The following SLC3A2 variants were observed in gnomAD, a reference collection of about 807,000 sequenced individuals.
SLC3A2 encodes solute carrier family 3 member 2.
In SLC3A2, 32 loss-of-function variants were observed where a neutral mutation model predicts 48.5. The observed-to-expected ratio is 0.66, with a 90% CI of 0.50 to 0.89. SLC3A2 has a LOEUF of 0.89. Among genes scored for constraint, SLC3A2 ranks in the 40% least tolerant of loss-of-function variants. The pLI is 0.00. For missense variants in SLC3A2, 587 were observed against 680.7 expected, an observed-to-expected ratio of 0.86 and a Z score of 1.53; for synonymous variants, 277 against 288.8, an observed-to-expected ratio of 0.96 and a Z score of 0.41.
At chr11:62,883,541 G>C (rs1487806596) in intron 3 of SLC3A2, 1 of 181,700 alleles carries the variant, frequency 5.5e-6, no homozygotes, top group Non-Finnish European at 1.2e-5. Flanking sequence ...CCTAGCTCCT[G>C]ATGTCTGGGT....
At chr11:62,874,294 C>G (rs1233322147) in intron 1 of SLC3A2, among the ~76,000 whole-genome samples, 1 of 152,050 alleles carries the variant, frequency 6.6e-6, no homozygotes, top group Non-Finnish European at 1.5e-5. Context: ...AGTTGAATAT[C>G]TGATGTCATT....
intron 1 of SLC3A2, among the ~76,000 whole-genome samples, chr11:62,873,618 A>C (rs1370764603): frequency 6.6e-6 from 1 of 152,044 alleles, no homozygotes; most frequent in Non-Finnish European, 1.5e-5. Context: ...GTGAGCCACC[A>C]CACCCGGCCA....
chr11:62,888,211 C>CT lies in SLC3A2; in HGVS notation c.1221dup (p.Val408CysfsTer6). 1.9e-6 allele frequency: 3 copies of CT among 1,614,064 alleles called. No individual in the cohort carries two copies. Among genetic ancestry groups the CT allele is most frequent in the Non-Finnish European group, 2.5e-6 (3 of 1,179,968 alleles). ...CCAGGGGCTGTAAGTGCCAACATGA[C>CT]TGTGAAGGTAAGAGTTCTAGATGGG... On this transcript the variant is annotated frameshift_variant, in exon 8 of 9. Coordinates refer to ENST00000338663, the MANE Select transcript of SLC3A2 (RefSeq NM_001013251.3). LOFTEE classifies it low-confidence loss of function (END_TRUNC).
chr11:62,867,443 A>C (rs2085465890), intron 1 of SLC3A2, among the ~76,000 whole-genome samples: 3 of 144,144 alleles, frequency 2.1e-5, no homozygotes, highest in Admixed American at 7.4e-5. Context: ...CTCCTGCTTC[A>C]GCCTCCCGAG....
At chr11:62,860,207 A>G (rs2085384004) in intron 1 of SLC3A2, among the ~76,000 whole-genome samples, 1 of 152,086 alleles carries the variant, frequency 6.6e-6, no homozygotes, top group East Asian at 1.9e-4. Context: ...TCAGCGCAGT[A>G]AAGAGCAGTA....
Position 62,888,770 on chromosome 11 carries a change from A to G in SLC3A2, c.*77A>G. The G allele has an allele frequency of 1.5e-6, 2 of 1,356,138 alleles. No individual in the cohort carries two copies. The highest frequency in any genetic ancestry group is 2.0e-6 in the Non-Finnish European group (2 of 1,003,650). 84.0% of individuals were successfully genotyped at this position (1,356,138 alleles called of 1,614,324 possible). ...TGGCTTCTGATTTTTCTCTTTTTTA[A>G]AAACAAACAAACAAACTGTTGCAGA... is the stretch of plus-strand genomic sequence containing the variant. On this transcript the variant is annotated 3_prime_UTR_variant, in exon 9 of 9. Coordinates refer to ENST00000338663, the MANE Select transcript of SLC3A2 (RefSeq NM_001013251.3).
At position 62,887,699 on chromosome 11, in the gene SLC3A2, C is replaced by CA. The variant is rs753559403; in HGVS notation, c.1144-416dup. On this transcript the variant is annotated intron_variant, in intron 7 of 8. Coordinates refer to ENST00000338663, the MANE Select transcript of SLC3A2 (RefSeq NM_001013251.3). ...GCCTGAACAGAGCGAGACTCCGTCT[C>CA]AAAAAAAAAAAAAAAAAAAAGTTAG... is the stretch of plus-strand genomic sequence containing the variant. 3.7e-3 allele frequency among the ~76,000 whole-genome samples: 327 copies of CA among 89,190 alleles called. 1 individual carries two copies. The highest frequency in any genetic ancestry group is 5.5e-3 in the South Asian group (15 of 2,710). The allele number at this position is 89,190 out of a possible 152,430, so 58.5% of individuals were successfully genotyped here.
At chr11:62,886,797 TG>T (rs1441061944) in intron 7 of SLC3A2, among the ~76,000 whole-genome samples, 2 of 152,114 alleles carry the variant, frequency 1.3e-5, no homozygotes, top group Non-Finnish European at 2.9e-5. Context: ...AGGCTTTCAC[TG>T]TTGTTGCCCA....
rs1051290 is a variant in SLC3A2 at position 62,888,762 on chromosome 11, C to G, written c.*69C>G. 16 of 1,413,836 alleles carry G rather than the reference C, an allele frequency of 1.1e-5. No individual in the cohort carries two copies. Among genetic ancestry groups the G allele is most frequent in the Non-Finnish European group, 1.4e-5 (15 of 1,054,384 alleles). 87.6% of individuals were successfully genotyped at this position (1,413,836 alleles called of 1,614,324 possible). ...AGGCCCTTTGGCTTCTGATTTTTCT[C>G]TTTTTTAAAAACAAACAAACAAACT... On this transcript the variant is annotated 3_prime_UTR_variant, in exon 9 of 9. Coordinates refer to ENST00000338663, the MANE Select transcript of SLC3A2 (RefSeq NM_001013251.3).
chr11:62,863,210 C>A (rs948474234), intron 1 of SLC3A2, among the ~76,000 whole-genome samples: 2 of 152,020 alleles, frequency 1.3e-5, no homozygotes, highest in Non-Finnish European at 2.9e-5. Context: ...CGTGAGCCAC[C>A]ACTCTGGGCC....
chr11:62,856,270 A>G (rs746758624), exon 1 of SLC3A2: 32 of 1,608,106 alleles, frequency 2.0e-5, no homozygotes, highest in Non-Finnish European at 2.6e-5. Context: ...ATCCGCCTCC[A>G]TGGAGCTACA....
At chr11:62,885,071 TC>T (rs1403731613) in intron 5 of SLC3A2, 105 bp from the exon 6 acceptor site, 13 of 1,244,410 alleles carry the variant, frequency 1.0e-5, no homozygotes, top group African/African-American at 1.5e-5. Flanking sequence ...CCTCAAGTGA[TC>T]CACCCGCCTC....
In SLC3A2 at chr11:62,875,139, G is replaced by T. The variant is rs554809775; in HGVS notation, c.113-5880G>T. Among the ~76,000 whole-genome samples, 9 of 152,258 alleles carry T rather than the reference G, an allele frequency of 5.9e-5. No individual in the cohort carries two copies. The East Asian group carries it at 1.7e-3, about 29-fold the overall frequency. On this transcript the variant is annotated intron_variant, in intron 1 of 9. Coordinates refer to the SLC3A2 transcript ENST00000377889. ...GAGGCAGCTTTGATGTTTTGTTTCT[G>T]GGTCTTTGGAATAGAGTCTTGGGCT...
intron 5 of SLC3A2, 123 bp downstream of exon 5, chr11:62,884,813 CTTTTTTTTTTTTTTTTTTTTT>C (rs541507991): frequency 2.9e-4 from 16 of 55,990 alleles, no homozygotes; most frequent in Middle Eastern, 0.022. Flanking sequence ...CTTTCTTTAG[CTTTTTTTTTTTTTTTTTTTTT>C]TTTTTTTTTT....
upstream of SLC3A2, among the ~76,000 whole-genome samples, chr11:62,878,319 CTCTG>C (rs955944132): frequency 7.2e-5 from 11 of 152,132 alleles, no homozygotes; most frequent in African/African-American, 2.7e-4. Flanking sequence ...CAGGGTCTCG[CTCTG>C]TCTCCTAGGC....
intron 1 of SLC3A2, among the ~76,000 whole-genome samples, chr11:62,872,219 C>CT (rs1375896438): frequency 6.6e-6 from 1 of 152,204 alleles, no homozygotes; most frequent in African/African-American, 2.4e-5. Flanking sequence ...TGGCCCTCTG[C>CT]TTTTTTAAAA....
At chr11:62,884,335 G>A in intron 3 of SLC3A2, 122 bp from the exon 4 acceptor site, 1 of 1,028,170 alleles carries the variant, frequency 9.7e-7, no homozygotes, top group South Asian at 1.4e-5. Context: ...ACCCAGGCAA[G>A]GCACAGGACT....
At chr11:62,879,396 C>T (rs1421024740), upstream of SLC3A2, among the ~76,000 whole-genome samples, 2 of 152,270 alleles carry the variant, frequency 1.3e-5, no homozygotes, top group African/African-American at 4.8e-5. Flanking sequence ...ATGAGTCACA[C>T]TGCGCCCAGC....
In SLC3A2 at chr11:62,881,959, A is replaced by G. The variant is rs777560601; in HGVS notation, c.491A>G (p.His164Arg). Residue 164 changes from histidine to arginine, a missense_variant, in exon 2 of 9, where the codon CAC becomes CGC. His to Arg is a conservative substitution (Grantham distance 29). Around this residue, in one of 3 missense-constraint regions of SLC3A2, gnomAD observed 409 missense variants for 446.7 expected, o/e 0.92. Coordinates refer to ENST00000338663, the MANE Select transcript of SLC3A2 (RefSeq NM_001013251.3). This position sits in a 1 kb window ranked among gnomAD's most constrained non-coding sequence, Gnocchi z 4.0. The part of the protein sequence containing the change: ...KVKGLVLGPI[H>R]KNQKDDVAQT... ...AAGGGCCTTGTGCTGGGTCCAATTC[A>G]CAAGAACCAGAAGGATGATGTCGCT... The G allele has an allele frequency of 6.2e-7, 1 of 1,614,112 alleles. No homozygotes were observed. Among genetic ancestry groups the G allele is most frequent in the East Asian group, 2.2e-5 (1 of 44,880 alleles).
Sources: gnomAD v4.1 joint callset for allele counts (sites outside exome capture counted in the v4.1 genomes callset) on GRCh38, gnomAD v4.1.1 for gene constraint, gnomAD v4.1.1 regional missense constraint, Gnocchi (gnomAD v3.1) non-coding constraint, MANE v1.5 for transcripts, NCBI Gene and HGNC (gene_info 2026-07-23, HGNC 2026-07-21) for gene names.